The following AQR variants were observed in gnomAD, a reference collection of about 807,000 sequenced individuals.
The protein encoded by AQR is aquarius intron-binding spliceosomal factor.
In AQR, 61 loss-of-function variants were observed where a neutral mutation model predicts 180.5. The ratio of observed to expected loss-of-function variants is 0.34; its 90% CI spans 0.28 to 0.42. The LOEUF (loss-of-function observed/expected upper bound fraction) is 0.42, where lower values mean the gene tolerates loss of function less well. AQR is among the 10% of genes least tolerant of loss of function. The probability of loss-of-function intolerance (pLI) is 1.00; values close to 1 mark genes in which losing one functional copy is unlikely to be tolerated. For missense variants in AQR, 1,281 were observed against 1,798.3 expected (o/e 0.71, Z 5.20); for synonymous variants, 551 against 588.8 (o/e 0.94, Z 0.93).
intron 2 of AQR, among the ~76,000 whole-genome samples, chr15:34,962,777 A>T (rs549258891): frequency 3.5e-4 from 54 of 152,300 alleles, no homozygotes; most frequent in African/African-American, 1.2e-3. Flanking sequence ...CTCCAAAAAA[A>T]AAAAATAAAT....
intron 27 of AQR, among the ~76,000 whole-genome samples, chr15:34,878,389 A>T (rs1892918352): frequency 6.7e-6 from 1 of 149,914 alleles, no homozygotes; most frequent in Non-Finnish European, 1.5e-5. Context: ...CTGTCTCAAA[A>T]AAAAAAAAAA....
intron 17 of AQR, among the ~76,000 whole-genome samples, chr15:34,907,450 C>G (rs978360121): frequency 6.6e-6 from 1 of 152,186 alleles, no homozygotes; most frequent in Non-Finnish European, 1.5e-5. Context: ...AATCTTCATT[C>G]CATTTCTGAT....
chr15:34,966,370 C>T (rs537873987), intron 1 of AQR, among the ~76,000 whole-genome samples: 1 of 152,306 alleles, frequency 6.6e-6, no homozygotes, highest in East Asian at 1.9e-4. Context: ...GTCCCCTCTA[C>T]CTAGAAAACC....
chr15:34,897,187 G>C (rs1398902081), intron 21 of AQR, among the ~76,000 whole-genome samples: 1 of 152,032 alleles, frequency 6.6e-6, no homozygotes, highest in African/African-American at 2.4e-5. Context: ...ACCTCATTTG[G>C]AGTGCCAAAG....
At chr15:34,969,228 CCT>C (rs1281687430) in intron 1 of AQR, among the ~76,000 whole-genome samples, 1 of 152,140 alleles carries the variant, frequency 6.6e-6, no homozygotes, top group African/African-American at 2.4e-5. Flanking sequence ...GGTGTTCCCT[CCT>C]CTCTGAATCC....
chr15:34,878,540 G>C (rs534864342), intron 27 of AQR, among the ~76,000 whole-genome samples: 7 of 151,928 alleles, frequency 4.6e-5, no homozygotes, highest in Admixed American at 1.3e-4. Flanking sequence ...TATTATCATT[G>C]TTCATTTTTG....
chr15:34,927,759 G>C (rs909178880), intron 12 of AQR, among the ~76,000 whole-genome samples: 1 of 152,176 alleles, frequency 6.6e-6, no homozygotes, highest in South Asian at 2.1e-4. Flanking sequence ...GAAAAGATCC[G>C]GAAGTTTTCA....
intron 32 of AQR, among the ~76,000 whole-genome samples, chr15:34,866,232 A>G (rs1250105482): frequency 6.6e-6 from 1 of 152,202 alleles, no homozygotes; most frequent in African/African-American, 2.4e-5. Context: ...TACCTAGGCT[A>G]AGCTACCTGG....
chr15:34,916,911 A>AC (rs1399924093), intron 15 of AQR, among the ~76,000 whole-genome samples: 1 of 150,086 alleles, frequency 6.7e-6, no homozygotes, highest in Non-Finnish European at 1.5e-5. Flanking sequence ...AGAAAGAAAG[A>AC]AAAAAAGGGA....
At chr15:34,865,735 A>T (rs1892730611) in intron 32 of AQR, among the ~76,000 whole-genome samples, 1 of 152,234 alleles carries the variant, frequency 6.6e-6, no homozygotes, top group Non-Finnish European at 1.5e-5. Flanking sequence ...AATGAAAAGG[A>T]ATGAAGTACT....
At position 34,853,582 on chromosome 15, in the gene AQR, G is replaced by C. The variant is rs930201543; in HGVS notation, c.*3210C>G. The C allele has an allele frequency of 6.6e-6, 1 of 152,142 alleles. No homozygotes were observed. Among genetic ancestry groups the C allele is most frequent in the African/African-American group, 2.4e-5 (1 of 41,420 alleles). 9.4% of individuals were successfully genotyped at this position (152,142 alleles called of 1,614,324 possible). A position where few individuals can be genotyped will look rare whatever the true frequency, so the allele number is the denominator to read the frequency against. Reference sequence around the variant, plus strand: ...ATCCTCAAAGGTCAACTGCCACTAGGTGTCCCCTTCTTGATCATTCTTCAT... The same window carrying C: ...ATCCTCAAAGGTCAACTGCCACTAGCTGTCCCCTTCTTGATCATTCTTCAT... On this transcript the variant is annotated 3_prime_UTR_variant, in exon 35 of 35. Transcript: ENST00000156471.
chr15:34,876,029 A>G (rs758115340), intron 27 of AQR, 23 bp from the exon 28 acceptor site: 4 of 1,584,082 alleles, frequency 2.5e-6, no homozygotes. Context: ...AAATCTTGTC[A>G]TAAAGACAGC....
intron 9 of AQR, among the ~76,000 whole-genome samples, chr15:34,935,732 GA>G (rs980755530): frequency 1.3e-5 from 2 of 152,280 alleles, no homozygotes; most frequent in African/African-American, 4.8e-5. Flanking sequence ...CATGATCAGA[GA>G]AAATGACCTG....
intron 23 of AQR, among the ~76,000 whole-genome samples, chr15:34,890,768 G>C (rs1893132584): frequency 6.6e-6 from 1 of 152,168 alleles, no homozygotes; most frequent in South Asian, 2.1e-4. Context: ...AACATAAATT[G>C]CATCTTTCAA....
At chr15:34,920,208 C>A in intron 14 of AQR, 124 bp downstream of exon 14, 9 of 629,462 alleles carry the variant, frequency 1.4e-5, no homozygotes, top group Admixed American at 3.2e-5. Flanking sequence ...ATTCCAAAAA[C>A]AAAATGGGAA....
At chr15:34,882,766 TTA>T (rs1892994509) in intron 26 of AQR, 127 bp from the exon 27 acceptor site, 2 of 827,266 alleles carry the variant, frequency 2.4e-6, no homozygotes, top group East Asian at 6.0e-5. Context: ...GCCTAATGAA[TTA>T]TAATTCTGTT....
intron 9 of AQR, 126 bp downstream of exon 9, chr15:34,938,611 G>A (rs1263770518): frequency 1.4e-5 from 9 of 636,394 alleles, no homozygotes; most frequent in Non-Finnish European, 2.3e-5. Flanking sequence ...AAAAAGGAGA[G>A]GACATACACT....
chr15:34,863,506 T>C (rs1360592133), intron 32 of AQR, among the ~76,000 whole-genome samples: 1 of 152,160 alleles, frequency 6.6e-6, no homozygotes, highest in African/African-American at 2.4e-5. Context: ...GGAAATACAG[T>C]ATGATGTTAT....
Position 34,854,149 on chromosome 15 carries a change from A to G in AQR, c.*2643T>C, listed in dbSNP as rs1007789570. The G allele has an allele frequency of 2.5e-4, 23 of 90,970 alleles. No homozygotes were observed. The highest frequency in any genetic ancestry group is 5.2e-4 in the Non-Finnish European group (20 of 38,814). The allele number at this position is 90,970 out of a possible 1,614,324, so 5.6% of individuals were successfully genotyped here. On this transcript the variant is annotated 3_prime_UTR_variant, in exon 35 of 35. Coordinates refer to ENST00000156471, the MANE Select transcript of AQR (RefSeq NM_014691.3). ...TTGGCAATGAACTTTCTTAACTCAG[A>G]ATTTTGAAAAAAAAAAAAAAAAAAG...
Sources: allele counts gnomAD v4.1 joint callset (sites outside exome capture counted in the v4.1 genomes callset), GRCh38; gene constraint gnomAD v4.1.1; transcripts MANE v1.5; gene names NCBI Gene and HGNC (gene_info 2026-07-23, HGNC 2026-07-21).